Variants in ALS2 observed in about 807,000 individuals in gnomAD.
ALS2 encodes alsin.
Under a neutral mutation model 203.4 loss-of-function variants are expected in ALS2, and 117 were observed. The ratio of observed to expected loss-of-function variants is 0.58; its 90% CI spans 0.50 to 0.67. ALS2 has a LOEUF of 0.67. ALS2 is among the 30% of genes least tolerant of loss of function. The probability of loss-of-function intolerance (pLI) is 0.00; values close to 1 mark genes in which losing one functional copy is unlikely to be tolerated. For missense variants in ALS2, 1,715 were observed against 1,989.4 expected (o/e 0.86, Z 2.62); for synonymous variants, 718 against 725.9 (o/e 0.99, Z 0.17).
intron 8 of ALS2, among the ~76,000 whole-genome samples, chr2:201,749,080 A>G (rs1283918952): frequency 6.6e-6 from 1 of 152,144 alleles, no homozygotes; most frequent in African/African-American, 2.4e-5. Flanking sequence ...AGTACAATTG[A>G]TGAGAATTTG....
intron 11 of ALS2, among the ~76,000 whole-genome samples, chr2:201,740,045 C>T (rs1692166770): frequency 6.6e-6 from 1 of 152,086 alleles, no homozygotes; most frequent in Non-Finnish European, 1.5e-5. Flanking sequence ...ATAATTTTCG[C>T]CAGGCACAGT....
intron 1 of ALS2, among the ~76,000 whole-genome samples, chr2:201,774,555 AG>A (rs1279232044): frequency 6.6e-6 from 1 of 152,246 alleles, no homozygotes; most frequent in Non-Finnish European, 1.5e-5. Flanking sequence ...TAAATGTGGT[AG>A]AGAAATGTGT....
chr2:201,753,236 T>A lies in ALS2; in HGVS notation c.1647A>T (p.Gln549His). The change falls in exon 7 of 34, where the codon CAA becomes CAT. Residue 549 changes from glutamine to histidine, a missense_variant. Gln to His is a conservative substitution (Grantham distance 24). Coordinates refer to ENST00000264276, the MANE Select transcript of ALS2 (RefSeq NM_020919.4). ...LGHGDVLPRL[Q>H]PLCVKCLDGK... ...CATCCAGACATTTTACACACAACGG[T>A]TGAAGCCTTAAAAAGAAACACACAG... 1 of 1,613,898 alleles carries A rather than the reference T, an allele frequency of 6.2e-7. No individual in the cohort carries two copies. The highest frequency in any genetic ancestry group is 8.5e-7 in the Non-Finnish European group (1 of 1,179,806).
Position 201,767,105 on chromosome 2 carries a change from T to A in ALS2, c.175+124A>T, listed in dbSNP as rs993537185. On this transcript the variant is annotated intron_variant, in intron 3 of 33. Coordinates refer to ENST00000264276, the MANE Select transcript of ALS2 (RefSeq NM_020919.4). ...CTTAAAGCATAATAATAATAAAATT[T>A]AAAAAAAAAAGAAAGAAAAAGAAAA... 7.4e-5 allele frequency: 78 copies of A among 1,049,614 alleles called. 1 individual carries two copies. Among genetic ancestry groups the A allele is most frequent in the South Asian group, 2.4e-4 (15 of 63,714 alleles). 65.0% of individuals were successfully genotyped at this position (1,049,614 alleles called of 1,614,324 possible).
rs41308822 is a variant in ALS2 at position 201,753,236 on chromosome 2, T to C, written c.1647A>G (p.Gln549=). ...CATCCAGACATTTTACACACAACGG[T>C]TGAAGCCTTAAAAAGAAACACACAG... ...LGHGDVLPRL[Q]PLCVKCLDGK... Residue 549 remains glutamine, a synonymous_variant, in exon 7 of 34, where the codon CAA becomes CAG. Coordinates refer to ENST00000264276, the MANE Select transcript of ALS2 (RefSeq NM_020919.4). The C allele has an allele frequency of 2.5e-6, 4 of 1,613,780 alleles. No individual in the cohort carries two copies. Among genetic ancestry groups the C allele is most frequent in the Non-Finnish European group, 3.4e-6 (4 of 1,179,814 alleles).
chr2:201,768,897 A>G lies in ALS2; in HGVS notation c.-12T>C. On this transcript the variant is annotated 5_prime_UTR_variant, in exon 2 of 34. Transcript: ENST00000264276. Reference sequence around the variant, plus strand: ...TTCTTTGAGTCCATCGGTCAGTGGGAACACTCCATCACCAAATCATTCCTT... The same window carrying G: ...TTCTTTGAGTCCATCGGTCAGTGGGGACACTCCATCACCAAATCATTCCTT... The G allele has an allele frequency of 6.2e-6, 10 of 1,613,328 alleles. No homozygotes were observed. Among genetic ancestry groups the G allele is most frequent in the Non-Finnish European group, 8.5e-6 (10 of 1,179,418 alleles).
At position 201,761,733 on chromosome 2, in the gene ALS2, G is replaced by A. The variant is rs995824376; in HGVS notation, c.261C>T (p.Ala87=). 3.7e-6 allele frequency: 6 copies of A among 1,613,840 alleles called. No individual in the cohort carries two copies. The Admixed American group carries it at 1.0e-4, about 27-fold the overall frequency. The stretch of plus-strand genomic sequence containing the variant: ...CAGTAATAACATATTGCCCAACCAG[G>A]GCATTTTCTAGAATGGGGCTACTTG... ...ICPSSPILEN[A]LVGQYVITVA... The change falls in exon 4 of 34, where the codon GCC becomes GCT. Residue 87 remains alanine (A), a synonymous_variant. Transcript: ENST00000264276.
rs576047645 is a variant in ALS2 at position 201,753,071 on chromosome 2, A to G, written c.1737+75T>C. On this transcript the variant is annotated intron_variant, in intron 7 of 33. Transcript: ENST00000264276. ...TTGCCTGACATATAGCAGATAATCA[A>G]CAAATGAGGGTCCAACAATGTCATG... The G allele has an allele frequency of 2.2e-5, 26 of 1,177,284 alleles. No homozygotes were observed. The East Asian group carries it at 4.0e-4, about 18-fold the overall frequency. The allele number at this position is 1,177,284 out of a possible 1,614,324, so 72.9% of individuals were successfully genotyped here.
At chr2:201,725,751 C>T (rs578130632) in intron 19 of ALS2, among the ~76,000 whole-genome samples, 64 of 152,280 alleles carry the variant, frequency 4.2e-4, no homozygotes, top group South Asian at 1.5e-3. Flanking sequence ...CACCACCATG[C>T]GGTAAGCCCA....
chr2:201,720,004 A>C (rs1165349337), intron 23 of ALS2: 4 of 306,910 alleles, frequency 1.3e-5, no homozygotes, highest in African/African-American at 2.3e-5. Context: ...GCTTAGGCCC[A>C]GAAGACTTCA....
chr2:201,735,408 A>G (rs779910808), intron 12 of ALS2, among the ~76,000 whole-genome samples: 3 of 152,242 alleles, frequency 2.0e-5, no homozygotes, highest in African/African-American at 4.8e-5. Context: ...AAAAACTTGC[A>G]TAATAATCAA....
At chr2:201,734,716 C>T (rs1011036211) in intron 12 of ALS2, among the ~76,000 whole-genome samples, 2 of 152,136 alleles carry the variant, frequency 1.3e-5, no homozygotes, top group African/African-American at 4.8e-5. Context: ...AATGTTCCAA[C>T]TCTTGTGAAC....
At chr2:201,726,235 C>G (rs534173462) in intron 19 of ALS2, among the ~76,000 whole-genome samples, 1 of 151,988 alleles carries the variant, frequency 6.6e-6, no homozygotes, top group Non-Finnish European at 1.5e-5. Flanking sequence ...GAAAACATAG[C>G]CCCATTTTAA....
At chr2:201,712,234 C>G (rs4673206) in intron 25 of ALS2, among the ~76,000 whole-genome samples, 136,125 of 152,228 alleles carry the variant, frequency 0.89, 61,077 homozygotes, top group East Asian at 0.98. Context: ...GCTAGAATAA[C>G]AATTAGTATT....
chr2:201,758,865 A>G (rs1680035260), intron 4 of ALS2, among the ~76,000 whole-genome samples: 1 of 152,086 alleles, frequency 6.6e-6, no homozygotes, highest in African/African-American at 2.4e-5. Flanking sequence ...CTGACATGTA[A>G]GTACTCAAAA....
chr2:201,705,124 C>T lies in ALS2; in HGVS notation c.4688+15G>A, dbSNP rs139919006. On this transcript the variant is annotated intron_variant, in intron 31 of 33. Coordinates refer to ENST00000264276, the MANE Select transcript of ALS2 (RefSeq NM_020919.4). ...TACTTTGATTTGTATGGCTTTTCAA[C>T]AAATCAGAGATTACCTGATCTGCTG... 7.3e-5 allele frequency: 117 copies of T among 1,613,038 alleles called. No homozygotes were observed. The African/African-American group carries it at 1.3e-3, about 18-fold the overall frequency.
At chr2:201,755,888 T>C (rs1277823185) in intron 5 of ALS2, among the ~76,000 whole-genome samples, 2 of 152,184 alleles carry the variant, frequency 1.3e-5, no homozygotes, top group Non-Finnish European at 2.9e-5. Flanking sequence ...AGTAGAGACT[T>C]AGTCATTAGG....
chr2:201,732,742 G>A (rs1691653121), intron 13 of ALS2, among the ~76,000 whole-genome samples: 1 of 152,140 alleles, frequency 6.6e-6, no homozygotes. Flanking sequence ...CTAGTGTGGT[G>A]CTAACTTCCT....
chr2:201,763,148 CA>C, intron 3 of ALS2: 1 of 219,372 alleles, frequency 4.6e-6, no homozygotes, highest in Non-Finnish European at 8.9e-6. Context: ...CACTGCCATC[CA>C]AGGGACTATC....
Sources: gnomAD v4.1 joint callset for allele counts (sites outside exome capture counted in the v4.1 genomes callset) on GRCh38, gnomAD v4.1.1 for gene constraint, MANE v1.5 for transcripts, NCBI Gene and HGNC (gene_info 2026-07-23, HGNC 2026-07-21) for gene names.